Variants in PTPN6 observed in about 807,000 individuals in gnomAD.
The protein encoded by PTPN6 is protein tyrosine phosphatase non-receptor type 6.
In PTPN6, 18 loss-of-function variants were observed where a neutral mutation model predicts 81.5. That is an observed-to-expected ratio of 0.22 (90% CI 0.15 to 0.33). The LOEUF (loss-of-function observed/expected upper bound fraction) is 0.33. Among genes scored for constraint, PTPN6 ranks in the 10% least tolerant of loss-of-function variants. The pLI, the probability that PTPN6 is intolerant of heterozygous loss-of-function variation, is 1.00. For missense variants in PTPN6, 500 were observed against 794.2 expected (o/e 0.63, Z 4.45); for synonymous variants, 301 against 310.9 (o/e 0.97, Z 0.33).
At position 6,960,248 on chromosome 12, in the gene PTPN6, A is replaced by G. The variant is rs1222338409; in HGVS notation, c.1581+9A>G. On this transcript the variant is annotated intron_variant, in intron 13 of 15. Transcript: ENST00000318974. This position sits in a 1 kb window ranked among gnomAD's most constrained non-coding sequence, Gnocchi z 6.1. ...AGCTGGAGGTCCTGCAGGTGCGTGC[A>G]GAGCAGGGCCTGGGGGGGGGGGGGG... 6.9e-7 allele frequency: 1 copy of G among 1,456,484 alleles called. No homozygotes were observed. The highest frequency in any genetic ancestry group is 1.7e-5 in the African/African-American group (1 of 60,556). The allele number at this position is 1,456,484 out of a possible 1,614,324, so 90.2% of individuals were successfully genotyped here.
chr12:6,950,789 G>A (rs143823061), upstream of PTPN6, among the ~76,000 whole-genome samples: 1 of 152,324 alleles, frequency 6.6e-6, no homozygotes, highest in African/African-American at 2.4e-5. Flanking sequence ...TTTGGAACCG[G>A]ACTGTCTGGG....
upstream of PTPN6, among the ~76,000 whole-genome samples, chr12:6,947,067 G>A (rs782648696): frequency 6.6e-6 from 1 of 152,244 alleles, no homozygotes; most frequent in East Asian, 1.9e-4. Context: ...CTCAAACATA[G>A]CAGTCAGAGG....
At chr12:6,946,648 C>A, upstream of PTPN6, 1 of 1,255,966 alleles carries the variant, frequency 8.0e-7, no homozygotes, top group Non-Finnish European at 1.2e-6. Context: ...TGGCTTGGGC[C>A]ACTGTGCACA....
At position 6,956,181 on chromosome 12, in the gene PTPN6, A is replaced by T; in HGVS notation, c.884A>T (p.Asn295Ile). The T allele has an allele frequency of 2.5e-6, 4 of 1,614,186 alleles. No individual in the cohort carries two copies. Among genetic ancestry groups the T allele is most frequent in the Non-Finnish European group, 3.4e-6 (4 of 1,180,022 alleles). Reference sequence around the variant, plus strand: ...GTGATCCTGCAGGGACGGGACAGTAACATCCCCGGGTCCGACTACATCAAT... The same window carrying T: ...GTGATCCTGCAGGGACGGGACAGTATCATCCCCGGGTCCGACTACATCAAT... ...SRVILQGRDS[N>I]IPGSDYINAN... is the part of the protein sequence containing the mutation. The change falls in exon 8 of 16, where the codon AAC becomes ATC. Residue 295 changes from asparagine (N) to isoleucine (I), a missense_variant. By Grantham distance (149) the Asn-to-Ile change is moderately radical. Around this residue, in one of 6 missense-constraint regions of PTPN6, gnomAD observed 226 missense variants for 364.4 expected, o/e 0.62. Coordinates refer to ENST00000318974, the MANE Select transcript of PTPN6 (RefSeq NM_002831.6). This position sits in a 1 kb window ranked among gnomAD's most constrained non-coding sequence, Gnocchi z 4.1.
rs901204561 is a variant in PTPN6 at position 6,952,118 on chromosome 12, C to T, written c.267C>T (p.Arg89=). 1.2e-5 allele frequency: 20 copies of T among 1,613,984 alleles called. No individual in the cohort carries two copies. Among genetic ancestry groups the T allele is most frequent in the Middle Eastern group, 1.6e-4 (1 of 6,078 alleles). Residue 89 remains arginine, a synonymous_variant, in exon 3 of 16, where the codon CGC becomes CGT. Transcript: ENST00000318974. The surrounding 1 kb of genome is among the most constrained non-coding windows in gnomAD (Gnocchi z 8.1). ...YTQQQGVLQD[R]DGTIIHLKYP... is the part of the protein sequence containing the mutation. ...AGCAGCAGGGTGTCCTGCAGGACCG[C>T]GACGGCACCATCATCCACCTCAAGT...
chr12:6,946,964 A>G (rs1945832809), upstream of PTPN6, among the ~76,000 whole-genome samples: 2 of 152,098 alleles, frequency 1.3e-5, no homozygotes, highest in South Asian at 4.1e-4. Flanking sequence ...ACAAGTGTGT[A>G]TCTGTTCTCT....
rs370538000 is a variant in PTPN6 at position 6,957,693 on chromosome 12, C to G, written c.1114C>G (p.Arg372Gly). The G allele has an allele frequency of 1.2e-6, 2 of 1,613,932 alleles. No homozygotes were observed. Among genetic ancestry groups the G allele is most frequent in the Admixed American group, 3.3e-5 (2 of 60,012 alleles). ...VPYWPEVGMQ[R>G]AYGPYSVTNC... ...ATACTGGCCCGAGGTGGGCATGCAG[C>G]GTGCTTATGGGCCCTACTCTGTGAC... is the stretch of plus-strand genomic sequence containing the variant. The change falls in exon 10 of 16, where the codon CGT (arginine) becomes GGT (glycine). Residue 372 changes from arginine (R) to glycine (G), a missense_variant. By Grantham distance (125) the Arg-to-Gly change is moderately radical. Transcript: ENST00000318974. This position sits in a 1 kb window ranked among gnomAD's most constrained non-coding sequence, Gnocchi z 6.5.
chr12:6,948,491 GAGAA>G (rs1173587874), upstream of PTPN6, among the ~76,000 whole-genome samples: 11 of 132,662 alleles, frequency 8.3e-5, no homozygotes, highest in African/African-American at 1.7e-4. Context: ...GAAAGAAAAA[GAGAA>G]AGAAGGAAAA....
chr12:6,948,388 T>C (rs1460716898), upstream of PTPN6, among the ~76,000 whole-genome samples: 1 of 146,390 alleles, frequency 6.8e-6, no homozygotes, highest in Non-Finnish European at 1.5e-5. Context: ...GTGAGTTGGA[T>C]TGTGACACTG....
rs1181441282 is a variant in PTPN6 at position 6,956,815 on chromosome 12, C to T, written c.1074+247C>T. Reference sequence around the variant, plus strand: ...TGTCCTCCTTCCTCCTACCCCTGCCCCACCTGTCTGCATCCAGGCCCCTCC... The same window carrying T: ...TGTCCTCCTTCCTCCTACCCCTGCCTCACCTGTCTGCATCCAGGCCCCTCC... On this transcript the variant is annotated intron_variant, in intron 9 of 15. Transcript: ENST00000318974. The surrounding 1 kb of genome is among the most constrained non-coding windows in gnomAD (Gnocchi z 4.1). Among the ~76,000 whole-genome samples the T allele has an allele frequency of 2.6e-5, 4 of 152,152 alleles. No individual in the cohort carries two copies. Among genetic ancestry groups the T allele is most frequent in the Admixed American group, 2.6e-4 (4 of 15,272 alleles).
upstream of PTPN6, among the ~76,000 whole-genome samples, chr12:6,947,937 G>A (rs115909076): frequency 2.1e-3 from 322 of 152,310 alleles, 1 homozygote; most frequent in African/African-American, 7.2e-3. Flanking sequence ...GAGGACCCTA[G>A]TGGAGCGGAG....
At position 6,951,406 on chromosome 12, in the gene PTPN6, C is replaced by A; in HGVS notation, c.-107C>A. The A allele has an allele frequency of 6.4e-7, 1 of 1,552,816 alleles. No individual in the cohort carries two copies. The highest frequency in any genetic ancestry group is 8.7e-7 in the Non-Finnish European group (1 of 1,149,138). On this transcript the variant is annotated 5_prime_UTR_variant, in exon 1 of 16. Coordinates refer to ENST00000318974, the MANE Select transcript of PTPN6 (RefSeq NM_002831.6). This position sits in a 1 kb window ranked among gnomAD's most constrained non-coding sequence, Gnocchi z 7.2. ...GACCACCGGGGGTGGTGAGGCGGCC[C>A]GGCACTGGGAGCTGCATCTGAGGCT...
chr12:6,950,331 T>C (rs58496147), upstream of PTPN6, among the ~76,000 whole-genome samples: 2,424 of 152,132 alleles, frequency 0.016, 62 homozygotes, highest in African/African-American at 0.051. Context: ...TATCCCCTGT[T>C]GAGCTGCTTT....
At position 6,955,446 on chromosome 12, in the gene PTPN6, C is replaced by T. The variant is rs199730259; in HGVS notation, c.708C>T (p.Ser236=). ...RVLELNKKQE[S]EDTAKAGFWE... ...TGGAACTGAACAAGAAGCAGGAGTC[C>T]GAGGATACAGCCAAGGCTGGCTTCT... Residue 236 remains serine (S), a synonymous_variant, in exon 6 of 16, where the codon TCC becomes TCT. Coordinates refer to ENST00000318974, the MANE Select transcript of PTPN6 (RefSeq NM_002831.6). The surrounding 1 kb of genome is among the most constrained non-coding windows in gnomAD (Gnocchi z 7.2). The T allele has an allele frequency of 9.3e-5, 150 of 1,614,058 alleles. 1 individual carries two copies. The highest frequency in any genetic ancestry group is 2.0e-4 in the East Asian group (9 of 44,862).
Position 6,951,990 on chromosome 12 carries a change from G to A in PTPN6, c.139G>A (p.Asp47Asn), listed in dbSNP as rs781820797. The change falls in exon 3 of 16, where the codon GAT (aspartate) becomes AAT (asparagine). Residue 47 changes from aspartate to asparagine, a missense_variant. By Grantham distance (23) the Asp-to-Asn change is conservative. Around this residue, in one of 6 missense-constraint regions of PTPN6, gnomAD observed 98 missense variants for 199.2 expected, o/e 0.49. Coordinates refer to ENST00000318974, the MANE Select transcript of PTPN6 (RefSeq NM_002831.6). The surrounding 1 kb of genome is among the most constrained non-coding windows in gnomAD (Gnocchi z 7.2). ...CCGCCTGGTGCCCTGCAGGGTGGGG[G>A]ATCAGGTGACCCATATTCGGATCCA... is the stretch of plus-strand genomic sequence containing the variant. ...GDFSLSVRVG[D>N]QVTHIRIQNS... The A allele has an allele frequency of 1.2e-6, 2 of 1,613,962 alleles. No homozygotes were observed. The highest frequency in any genetic ancestry group is 1.7e-6 in the Non-Finnish European group (2 of 1,179,994).
Position 6,960,424 on chromosome 12 carries a change from C to T in PTPN6, c.1662C>T (p.Arg554=). The stretch of plus-strand genomic sequence containing the variant: ...AGAATGCCCATGCCAAGGCCTCCCG[C>T]ACCTCGTCCAAGTGAGTGGCCCTGA... ...AMKNAHAKAS[R]TSSKHKEDVY... is the part of the protein sequence containing the mutation. The change falls in exon 14 of 16, where the codon CGC becomes CGT. Residue 554 remains arginine, a synonymous_variant. Transcript: ENST00000318974. This position sits in a 1 kb window ranked among gnomAD's most constrained non-coding sequence, Gnocchi z 6.1. 1 of 1,613,750 alleles carries T rather than the reference C, an allele frequency of 6.2e-7. No homozygotes were observed. The highest frequency in any genetic ancestry group is 8.5e-7 in the Non-Finnish European group (1 of 1,179,954).
chr12:6,955,772 G>A lies in PTPN6; in HGVS notation c.844+16G>A. ...ATTCTCCCCTGTGAGCACCCAGGCT[G>A]CCCCATTCACCCAGGATACCGCCCC... On this transcript the variant is annotated intron_variant, in intron 7 of 15. Transcript: ENST00000318974. The surrounding 1 kb of genome is among the most constrained non-coding windows in gnomAD (Gnocchi z 7.2). 1 of 1,610,696 alleles carries A rather than the reference G, an allele frequency of 6.2e-7. No individual in the cohort carries two copies. Among genetic ancestry groups the A allele is most frequent in the African/African-American group, 1.3e-5 (1 of 74,828 alleles).
At position 6,957,629 on chromosome 12, in the gene PTPN6, T is replaced by TCCCCA; in HGVS notation, c.1075-21_1075-17dup. ...CCACAGTGCCCTGCTCTGTGCCTCA[T>TCCCCA]CCCCACCCGACCCTCCCTTTCCAGA... On this transcript the variant is annotated intron_variant, in intron 9 of 15. Coordinates refer to ENST00000318974, the MANE Select transcript of PTPN6 (RefSeq NM_002831.6). This position sits in a 1 kb window ranked among gnomAD's most constrained non-coding sequence, Gnocchi z 6.5. The TCCCCA allele has an allele frequency of 6.6e-7, 1 of 1,521,496 alleles. No individual in the cohort carries two copies. The highest frequency in any genetic ancestry group is 9.0e-7 in the Non-Finnish European group (1 of 1,105,660). The allele number at this position is 1,521,496 out of a possible 1,614,324, so 94.2% of individuals were successfully genotyped here.
chr12:6,949,590 T>C (rs1739318101), upstream of PTPN6, among the ~76,000 whole-genome samples: 1 of 152,196 alleles, frequency 6.6e-6, no homozygotes, highest in Non-Finnish European at 1.5e-5. Context: ...CTAAGTAGGG[T>C]TGGCCTGAGG....
Sources: gnomAD v4.1 joint callset for allele counts (sites outside exome capture counted in the v4.1 genomes callset) on GRCh38, gnomAD v4.1.1 for gene constraint, gnomAD v4.1.1 regional missense constraint, Gnocchi (gnomAD v3.1) non-coding constraint, MANE v1.5 for transcripts, NCBI Gene and HGNC (gene_info 2026-07-23, HGNC 2026-07-21) for gene names.